Variants in ABCA10 observed in about 807,000 individuals in gnomAD.
The protein encoded by ABCA10 is ATP-binding cassette sub-family A member 10.
ABCA10 carries 169 observed loss-of-function variants against 187.5 expected under a neutral mutation model. The observed-to-expected ratio is 0.90, with a 90% CI of 0.80 to 1.02. ABCA10 has a LOEUF of 1.02. Among genes scored for constraint, ABCA10 ranks in the 50% least tolerant of loss-of-function variants. The pLI is 0.00. For synonymous variants in ABCA10, 574 were observed against 601.8 expected (o/e 0.95, Z 0.68); for missense variants, 1,727 against 1,812.4 (o/e 0.95, Z 0.86).
intron 29 of ABCA10, among the ~76,000 whole-genome samples, chr17:69,155,597 G>T (rs896268315): frequency 2.0e-5 from 3 of 152,222 alleles, no homozygotes; most frequent in South Asian, 4.1e-4. Context: ...GGAGCTGGAA[G>T]AGTAAGACCC....
chr17:69,176,523 T>C (rs1265294007), intron 22 of ABCA10, among the ~76,000 whole-genome samples: 2 of 152,008 alleles, frequency 1.3e-5, no homozygotes, highest in African/African-American at 4.8e-5. Flanking sequence ...AGAGTATTAG[T>C]AAAGATGTGG....
chr17:69,227,112 TGG>T, intron 2 of ABCA10, 31 bp downstream of exon 2: 1 of 136,566 alleles, frequency 7.3e-6, no homozygotes, highest in Admixed American at 7.4e-5. Flanking sequence ...TTATTAATTA[TGG>T]ATATATATAT....
chr17:69,171,589 C>A (rs2074297740), intron 25 of ABCA10, among the ~76,000 whole-genome samples: 1 of 152,046 alleles, frequency 6.6e-6, no homozygotes, highest in African/African-American at 2.4e-5. Context: ...AAACTGAAGA[C>A]AGAAATGAAT....
At chr17:69,165,344 G>A (rs1263686576) in intron 25 of ABCA10, among the ~76,000 whole-genome samples, 1 of 152,092 alleles carries the variant, frequency 6.6e-6, no homozygotes, top group Non-Finnish European at 1.5e-5. Flanking sequence ...ATAAAAGAAG[G>A]TGATGTAACA....
At chr17:69,188,190 A>T (rs1014136832) in intron 18 of ABCA10, among the ~76,000 whole-genome samples, 1 of 152,154 alleles carries the variant, frequency 6.6e-6, no homozygotes, top group Non-Finnish European at 1.5e-5. Flanking sequence ...AAGCACAAAG[A>T]CAAATTTATG....
At chr17:69,155,711 A>G in intron 29 of ABCA10, 94 bp downstream of exon 29, 1 of 1,434,494 alleles carries the variant, frequency 7.0e-7, no homozygotes, top group Non-Finnish European at 9.4e-7. Flanking sequence ...TAAAGAAACT[A>G]AAGCAGCTTT....
chr17:69,170,199 A>T (rs923463854), intron 25 of ABCA10, among the ~76,000 whole-genome samples: 1 of 151,800 alleles, frequency 6.6e-6, no homozygotes, highest in Non-Finnish European at 1.5e-5. Context: ...GAGGCAGGAG[A>T]ATCACTTGAA....
chr17:69,156,201 G>C (rs1486799332), intron 28 of ABCA10, among the ~76,000 whole-genome samples: 2 of 152,026 alleles, frequency 1.3e-5, no homozygotes, highest in African/African-American at 4.8e-5. Flanking sequence ...TAGACATACG[G>C]GTCTTTTAGT....
chr17:69,182,020 A>T, intron 22 of ABCA10, 133 bp downstream of exon 22: 2 of 855,422 alleles, frequency 2.3e-6, no homozygotes, highest in Non-Finnish European at 3.2e-6. Context: ...GAAGACACAA[A>T]GGCAAGGAGT....
rs780644191 is a variant in ABCA10, at chr17:69,152,116, T to C, written c.4324A>G (p.Lys1442Glu). Residue 1442 changes from lysine to glutamate, a missense_variant, in exon 36 of 39, where the codon AAA (lysine) becomes GAA (glutamate). By Grantham distance (56) the Lys-to-Glu change is moderately conservative. Transcript: ENST00000690296. ...AGAGCTTCCACCTGGGTAGGTTCTTTCATTTTTATTTCTAGTAAATAATCT... is the reference window on the plus strand; with the variant it reads ...AGAGCTTCCACCTGGGTAGGTTCTTCCATTTTTATTTCTAGTAAATAATCT... ...GRDYLLEIKM[K>E]EPTQVEALHT... 22 of 1,613,798 alleles carry C rather than the reference T, an allele frequency of 1.4e-5. No individual in the cohort carries two copies. Among genetic ancestry groups the C allele is most frequent in the Non-Finnish European group, 1.9e-5 (22 of 1,179,956 alleles).
At chr17:69,196,987 A>G in intron 11 of ABCA10, 77 bp downstream of exon 11, 1 of 946,332 alleles carries the variant, frequency 1.1e-6, no homozygotes, top group South Asian at 1.7e-5. Flanking sequence ...TCCGCTTGGC[A>G]TCAGAGGGAG....
chr17:69,177,973 A>ATATATATATATATATGTTAT (rs68149070), intron 22 of ABCA10, among the ~76,000 whole-genome samples: 1 of 50,004 alleles, frequency 2.0e-5, no homozygotes, highest in African/African-American at 6.1e-5. Flanking sequence ...AAAAAAAAAA[A>ATATATATATATATATGTTAT]ATATATATAT....
rs1279524693 is a variant in ABCA10 at position 69,193,805 on chromosome 17, T to C, written c.1521+9A>G. On this transcript the variant is annotated intron_variant, in intron 13 of 38. Transcript: ENST00000690296. ...TTCCAAAGCCATCAATCTTAATGTGTTCCTGTACCTCTTGTTCCACTTCCT... is the reference window on the plus strand; with the variant it reads ...TTCCAAAGCCATCAATCTTAATGTGCTCCTGTACCTCTTGTTCCACTTCCT... 6.2e-7 allele frequency: 1 copy of C among 1,612,322 alleles called. No individual in the cohort carries two copies. The highest frequency in any genetic ancestry group is 1.3e-5 in the African/African-American group (1 of 74,800).
chr17:69,151,719 TTTCA>T (rs1454881735), intron 36 of ABCA10, among the ~76,000 whole-genome samples: 2 of 152,206 alleles, frequency 1.3e-5, no homozygotes, highest in African/African-American at 2.4e-5. Flanking sequence ...AAAGCATTGT[TTTCA>T]TTGTCTATTT....
intron 34 of ABCA10, 59 bp from the exon 35 acceptor site, chr17:69,152,540 T>C (rs191723220): frequency 1.1e-5 from 17 of 1,545,092 alleles, no homozygotes; most frequent in Non-Finnish European, 1.7e-6. Flanking sequence ...AATAGATAAA[T>C]AGAAAAAAGC....
At chr17:69,232,343 G>A (rs2074837568), upstream of ABCA10, among the ~76,000 whole-genome samples, 1 of 151,810 alleles carries the variant, frequency 6.6e-6, no homozygotes, top group East Asian at 1.9e-4. Context: ...GTGTGTAAAT[G>A]ATTTTCTCTA....
intron 22 of ABCA10, among the ~76,000 whole-genome samples, chr17:69,179,212 A>AAC (rs894800189): frequency 6.6e-5 from 10 of 151,980 alleles, no homozygotes; most frequent in African/African-American, 2.2e-4. Context: ...AAACAAACAA[A>AAC]AAAAAAACCT....
chr17:69,190,256 T>C, intron 18 of ABCA10, 102 bp downstream of exon 18: 28 of 1,283,396 alleles, frequency 2.2e-5, no homozygotes, highest in Non-Finnish European at 2.9e-5. Context: ...ATGCATATTA[T>C]AGGTAGAAAT....
At chr17:69,212,504 T>C (rs1453487460) in intron 9 of ABCA10, among the ~76,000 whole-genome samples, 1 of 152,216 alleles carries the variant, frequency 6.6e-6, no homozygotes, top group Non-Finnish European at 1.5e-5. Context: ...TTAAGACCAT[T>C]GTTTCTTTGT....
Sources: allele counts gnomAD v4.1 joint callset (sites outside exome capture counted in the v4.1 genomes callset), GRCh38; gene constraint gnomAD v4.1.1; transcripts MANE v1.5; gene names NCBI Gene and HGNC (gene_info 2026-07-23, HGNC 2026-07-21).